The following THRB variants were observed in gnomAD, a reference collection of about 807,000 sequenced individuals.
THRB encodes the protein nuclear receptor subfamily 1 group A member 2.
THRB carries 12 observed loss-of-function variants against 47.8 expected under a neutral mutation model. The ratio of observed to expected loss-of-function variants is 0.25; its 90% confidence interval spans 0.16 to 0.41. The LOEUF is 0.41. THRB is among the 10% of genes least tolerant of loss of function. The pLI is 1.00. For synonymous variants in THRB, 218 were observed against 212.2 expected (o/e 1.03, Z -0.24); for missense variants, 348 against 589.2 (o/e 0.59, Z 4.24).
rs1272984067 is a variant in THRB at position 24,127,896 on chromosome 3, C to T, written c.886-139G>A. The T allele has an allele frequency of 5.9e-6, 6 of 1,013,528 alleles. No homozygotes were observed. In the African/African-American group the frequency reaches 9.5e-5, roughly 16 times the overall value. The allele number at this position is 1,013,528 out of a possible 1,614,324, so 62.8% of individuals were successfully genotyped here. ...GCATTCTTTGAGCCCATGGTTTTCC[C>T]TTCCCTACTTGGCTGCAGACTTTCG... On this transcript the variant is annotated intron_variant, in intron 9 of 10. Coordinates refer to ENST00000646209, the MANE Select transcript of THRB (RefSeq NM_001354712.2).
chr3:24,193,269 C>T (rs1472866122), intron 4 of THRB, among the ~76,000 whole-genome samples: 1 of 152,178 alleles, frequency 6.6e-6, no homozygotes, highest in Admixed American at 6.6e-5. Flanking sequence ...GTCAGTGATT[C>T]TCAAAGTTTG....
intron 3 of THRB, among the ~76,000 whole-genome samples, chr3:24,285,252 T>A (rs1412142411): frequency 2.6e-5 from 4 of 151,730 alleles, no homozygotes; most frequent in Non-Finnish European, 5.9e-5. Flanking sequence ...CTATGCAGCC[T>A]TAAAAAAGGA....
chr3:24,353,873 T>C (rs1180669500), intron 1 of THRB, among the ~76,000 whole-genome samples: 1 of 152,130 alleles, frequency 6.6e-6, no homozygotes, highest in Non-Finnish European at 1.5e-5. Context: ...CATCTCAATC[T>C]CTTGCTAAGC....
At chr3:24,416,795 C>T (rs1315035026) in intron 1 of THRB, among the ~76,000 whole-genome samples, 2 of 151,844 alleles carry the variant, frequency 1.3e-5, no homozygotes. Flanking sequence ...TCCAGACTCA[C>T]AGAATCAATC....
At chr3:24,227,861 T>C (rs1293746170) in intron 4 of THRB, among the ~76,000 whole-genome samples, 1 of 152,134 alleles carries the variant, frequency 6.6e-6, no homozygotes, top group Middle Eastern at 3.2e-3. Context: ...AAAAGGACAG[T>C]GGTGGACTTG....
intron 1 of THRB, among the ~76,000 whole-genome samples, chr3:24,475,658 A>T (rs1330736733): frequency 6.6e-6 from 1 of 152,214 alleles, no homozygotes; most frequent in African/African-American, 2.4e-5. Flanking sequence ...GAGCAAAACC[A>T]CACACTGTAA....
intron 4 of THRB, among the ~76,000 whole-genome samples, chr3:24,218,752 T>C (rs2046869300): frequency 6.6e-6 from 1 of 152,268 alleles, no homozygotes; most frequent in South Asian, 2.1e-4. Flanking sequence ...ATTTTCAGCA[T>C]TGGGATTTTT....
At chr3:24,215,480 G>C (rs564610974) in intron 4 of THRB, among the ~76,000 whole-genome samples, 5 of 152,214 alleles carry the variant, frequency 3.3e-5, no homozygotes, top group African/African-American at 4.8e-5. Context: ...GGGTAAAACA[G>C]ACCATCCTAC....
intron 1 of THRB, among the ~76,000 whole-genome samples, chr3:24,338,735 C>T (rs752721225): frequency 6.6e-6 from 1 of 152,190 alleles, no homozygotes; most frequent in African/African-American, 2.4e-5. Context: ...CCCTATGACT[C>T]CATGCAGTGG....
intron 1 of THRB, among the ~76,000 whole-genome samples, chr3:24,448,994 G>A (rs2072378013): frequency 6.6e-6 from 1 of 152,192 alleles, no homozygotes; most frequent in African/African-American, 2.4e-5. Context: ...ATGTAAGACA[G>A]AAGGAAGTCA....
At chr3:24,397,796 G>A (rs963197721) in intron 1 of THRB, among the ~76,000 whole-genome samples, 1 of 151,822 alleles carries the variant, frequency 6.6e-6, no homozygotes, top group Non-Finnish European at 1.5e-5. Context: ...TGTTGGTCAG[G>A]CTGGTTTCAA....
At chr3:24,329,984 G>A (rs1002150083) in intron 2 of THRB, among the ~76,000 whole-genome samples, 19 of 152,338 alleles carry the variant, frequency 1.2e-4, no homozygotes, top group East Asian at 7.7e-4. Flanking sequence ...GAGAAACACC[G>A]TCTTAGACTG....
intron 4 of THRB, among the ~76,000 whole-genome samples, chr3:24,196,424 T>C (rs2149676280): frequency 6.6e-6 from 1 of 152,332 alleles, no homozygotes; most frequent in South Asian, 2.1e-4. Flanking sequence ...ACTATTGTTT[T>C]GATGACCAAA....
rs11916500 is a variant in THRB at position 24,189,860 on chromosome 3, T to A, written c.283+214A>T. On this transcript the variant is annotated intron_variant, in intron 5 of 10. Coordinates refer to ENST00000646209, the MANE Select transcript of THRB (RefSeq NM_001354712.2). ...TCACCCCAAGTGTCCCAGCACAACGTGAAACCGAAACAAGCTGCCTTTCTT... is the reference window on the plus strand; with the variant it reads ...TCACCCCAAGTGTCCCAGCACAACGAGAAACCGAAACAAGCTGCCTTTCTT... The A allele has an allele frequency of 4.6e-3, 2,624 of 564,516 alleles. 56 individuals are homozygous for A. The highest frequency in any genetic ancestry group is 0.044 in the African/African-American group (2,354 of 53,096). 35.0% of individuals were successfully genotyped at this position (564,516 alleles called of 1,614,324 possible).
chr3:24,275,665 G>C (rs1355491374), intron 3 of THRB, among the ~76,000 whole-genome samples: 2 of 152,150 alleles, frequency 1.3e-5, no homozygotes, highest in Non-Finnish European at 2.9e-5. Flanking sequence ...TTGGGTTTTT[G>C]AGAGCCATCC....
At chr3:24,405,733 A>G (rs1268755460) in intron 1 of THRB, among the ~76,000 whole-genome samples, 1 of 151,488 alleles carries the variant, frequency 6.6e-6, no homozygotes, top group Non-Finnish European at 1.5e-5. Context: ...TTTTTCTTCC[A>G]CATGAATTTT....
intron 3 of THRB, among the ~76,000 whole-genome samples, chr3:24,280,686 T>C (rs971425275): frequency 1.3e-5 from 2 of 151,986 alleles, no homozygotes; most frequent in African/African-American, 4.8e-5. Flanking sequence ...TTGAAAACTT[T>C]GAAAAAAACT....
chr3:24,467,509 A>G (rs1377437495), intron 1 of THRB, among the ~76,000 whole-genome samples: 1 of 152,252 alleles, frequency 6.6e-6, no homozygotes, highest in African/African-American at 2.4e-5. Context: ...TATTTCTTAG[A>G]TAATAAGACA....
chr3:24,330,111 C>G (rs951729190), intron 2 of THRB, among the ~76,000 whole-genome samples: 1 of 152,054 alleles, frequency 6.6e-6, no homozygotes, highest in African/African-American at 2.4e-5. Flanking sequence ...CGAGACCATC[C>G]TGGCTAACAA....
Sources: gnomAD v4.1 joint callset for allele counts (sites outside exome capture counted in the v4.1 genomes callset) on GRCh38, gnomAD v4.1.1 for gene constraint, MANE v1.5 for transcripts, NCBI Gene and HGNC (gene_info 2026-07-23, HGNC 2026-07-21) for gene names.